KIAA1328: variants seen among roughly 807,000 people sequenced by gnomAD.
KIAA1328 encodes KIAA1328, also known as protein hinderin.
KIAA1328 carries 52 observed loss-of-function variants against 68.1 expected under a neutral mutation model. The observed-to-expected ratio is 0.76, with a 90% CI of 0.61 to 0.96. The LOEUF is 0.96. Ranked by LOEUF, KIAA1328 falls within the 40% of genes least tolerant of loss-of-function variation. The pLI is 0.00. For missense variants in KIAA1328, 641 were observed against 677.6 expected (o/e 0.95, Z 0.60); for synonymous variants, 232 against 239.4 (o/e 0.97, Z 0.28).
At chr18:37,186,136 G>GT (rs1259187807) in intron 9 of KIAA1328, among the ~76,000 whole-genome samples, 8 of 114,702 alleles carry the variant, frequency 7.0e-5, no homozygotes, top group Non-Finnish European at 1.3e-4. Flanking sequence ...GGTACTCCCT[G>GT]TGTCCCCCAG....
chr18:37,147,452 A>T (rs930434591), intron 7 of KIAA1328, among the ~76,000 whole-genome samples: 1 of 151,942 alleles, frequency 6.6e-6, no homozygotes, highest in African/African-American at 2.4e-5. Context: ...TAGGGATTTT[A>T]TTATCATTTT....
intron 7 of KIAA1328, among the ~76,000 whole-genome samples, chr18:37,155,009 ACTGCTTTCT>A: frequency 6.6e-6 from 1 of 152,082 alleles, no homozygotes; most frequent in Non-Finnish European, 1.5e-5. Context: ...GAGCTCTCAC[ACTGCTTTCT>A]CTGCTTTTTA....
chr18:36,950,220 T>C (rs989438540), intron 5 of KIAA1328, among the ~76,000 whole-genome samples: 10 of 152,184 alleles, frequency 6.6e-5, no homozygotes, highest in Non-Finnish European at 1.5e-4. Context: ...TCAGAAACCA[T>C]ATTTAAGATG....
Position 37,223,011 on chromosome 18 carries a change from T to C in KIAA1328, c.*784T>C, listed in dbSNP as rs2060591139. 1 of 985,256 alleles carries C rather than the reference T, an allele frequency of 1.0e-6. No individual in the cohort carries two copies. The highest frequency in any genetic ancestry group is 1.2e-6 in the Non-Finnish European group (1 of 830,040). The allele number at this position is 985,256 out of a possible 1,614,324, so 61.0% of individuals were successfully genotyped here. A position where few individuals can be genotyped will look rare whatever the true frequency, so the allele number is the denominator to read the frequency against. On this transcript the variant is annotated 3_prime_UTR_variant, in exon 10 of 10. Transcript: ENST00000280020. ...TCCCAGAATGAATAAGAACAATCCC[T>C]AGGTATTTTTATTTACCCAAGTGTT...
rs62083228 is a variant in KIAA1328 at position 36,969,482 on chromosome 18, A to G, written c.576+10047A>G. 2.3e-3 allele frequency among the ~76,000 whole-genome samples: 343 copies of G among 152,302 alleles called. 3 individuals carry two copies. Among genetic ancestry groups the G allele is most frequent in the South Asian group, 3.1e-3 (15 of 4,828 alleles). On this transcript the variant is annotated intron_variant, in intron 6 of 9. Transcript: ENST00000280020. ...TTATCACTGACCCCACAGAAATGCA[A>G]ATAACCATCAGAGACTATTATGAAC...
intron 4 of KIAA1328, among the ~76,000 whole-genome samples, chr18:36,856,570 T>TGTTTTCCTG (rs111986633): frequency 0.4 from 60,658 of 151,440 alleles, 13,868 homozygotes; most frequent in African/African-American, 0.63. Flanking sequence ...GTTCAGGTGT[T>TGTTTTCCTG]GTTTTCCTTA....
At chr18:37,132,865 GA>G (rs1568447657) in intron 7 of KIAA1328, among the ~76,000 whole-genome samples, 2 of 152,090 alleles carry the variant, frequency 1.3e-5, no homozygotes, top group African/African-American at 4.8e-5. Flanking sequence ...GGGTGAAGGT[GA>G]AATAAACTAT....
rs921993421 is a variant in KIAA1328, at chr18:36,843,196, T to C, written c.238-1012T>C. Among the ~76,000 whole-genome samples the C allele has an allele frequency of 3.3e-5, 5 of 152,194 alleles. No homozygotes were observed. The East Asian group carries it at 9.6e-4, about 29-fold the overall frequency. ...CTTTCCAGCTTCCTGCCTAGACGTTTGCACATGAATGGTTTGCTGGCATCT... is the reference window on the plus strand; with the variant it reads ...CTTTCCAGCTTCCTGCCTAGACGTTCGCACATGAATGGTTTGCTGGCATCT... On this transcript the variant is annotated intron_variant, in intron 3 of 9. Transcript: ENST00000280020.
chr18:36,877,794 G>T (rs1488105601), intron 4 of KIAA1328, among the ~76,000 whole-genome samples: 1 of 150,954 alleles, frequency 6.6e-6, no homozygotes, highest in East Asian at 2.0e-4. Context: ...AGCCTCCCGA[G>T]TAGCTGGGAC....
chr18:36,949,605 C>CT (rs1331773251), intron 5 of KIAA1328, among the ~76,000 whole-genome samples: 2 of 97,324 alleles, frequency 2.1e-5, no homozygotes, highest in African/African-American at 3.9e-5. Flanking sequence ...GCTCCCCCCC[C>CT]CCCACCCCCC....
chr18:37,223,852 G>A lies in KIAA1328; in HGVS notation c.*1625G>A. 1.0e-6 allele frequency: 1 copy of A among 984,596 alleles called. No individual in the cohort carries two copies. The allele number at this position is 984,596 out of a possible 1,614,324, so 61.0% of individuals were successfully genotyped here. A position where few individuals can be genotyped will look rare whatever the true frequency, so the allele number is the denominator to read the frequency against. ...GTTTTTTATTCTTTGGAGTAGAAAA[G>A]AATGGAGCCCACTAATATTATATTT... On this transcript the variant is annotated 3_prime_UTR_variant, in exon 10 of 10. Coordinates refer to ENST00000280020, the MANE Select transcript of KIAA1328 (RefSeq NM_020776.3).
At chr18:37,171,426 G>A (rs1029384794) in intron 8 of KIAA1328, among the ~76,000 whole-genome samples, 1 of 152,064 alleles carries the variant, frequency 6.6e-6, no homozygotes, top group Admixed American at 6.5e-5. Flanking sequence ...TGTTGCCCAG[G>A]CTGGTCTTCA....
At chr18:37,008,152 C>G (rs192307214) in intron 6 of KIAA1328, among the ~76,000 whole-genome samples, 1 of 152,292 alleles carries the variant, frequency 6.6e-6, no homozygotes, top group East Asian at 1.9e-4. Context: ...ATCTGCAGTG[C>G]CACAAGAGGA....
chr18:37,065,774 C>T (rs994434823), intron 6 of KIAA1328, among the ~76,000 whole-genome samples: 1 of 152,136 alleles, frequency 6.6e-6, no homozygotes, highest in African/African-American at 2.4e-5. Flanking sequence ...GAAACACATG[C>T]AACATTTACA....
At chr18:36,874,679 A>G (rs1251084984) in intron 4 of KIAA1328, among the ~76,000 whole-genome samples, 1 of 152,108 alleles carries the variant, frequency 6.6e-6, no homozygotes, top group East Asian at 1.9e-4. Flanking sequence ...GAAGCTCTTT[A>G]GTTTAATTAG....
intron 7 of KIAA1328, among the ~76,000 whole-genome samples, chr18:37,117,021 G>T (rs944710149): frequency 2.0e-5 from 3 of 152,214 alleles, no homozygotes; most frequent in African/African-American, 7.2e-5. Flanking sequence ...ACAGGTGCTG[G>T]AGAGGATATG....
intron 8 of KIAA1328, 56 bp downstream of exon 8, chr18:37,160,437 T>C: frequency 6.8e-7 from 1 of 1,476,528 alleles, no homozygotes; most frequent in Non-Finnish European, 9.2e-7. Context: ...AGGTAGTTGC[T>C]AGCCAATGAA....
chr18:36,880,393 TG>T (rs1257303939), intron 4 of KIAA1328, among the ~76,000 whole-genome samples: 1 of 152,194 alleles, frequency 6.6e-6, no homozygotes, highest in Non-Finnish European at 1.5e-5. Flanking sequence ...GTACCTCAGT[TG>T]GAAATGCAGA....
intron 5 of KIAA1328, among the ~76,000 whole-genome samples, chr18:36,913,525 T>A (rs1260809240): frequency 2.1e-5 from 1 of 46,824 alleles, no homozygotes; most frequent in South Asian, 9.1e-4. Flanking sequence ...CACACACACT[T>A]AGAGGAAAGC....
Sources: gnomAD v4.1 joint callset for allele counts (sites outside exome capture counted in the v4.1 genomes callset) on GRCh38, gnomAD v4.1.1 for gene constraint, MANE v1.5 for transcripts, NCBI Gene and HGNC (gene_info 2026-07-23, HGNC 2026-07-21) for gene names.